Variants in SMARCC1 observed in about 807,000 individuals in gnomAD.
The protein encoded by SMARCC1 is SWI/SNF related BAF chromatin remodeling complex subunit C1.
A neutral mutation model predicts 147.4 loss-of-function variants in SMARCC1; 43 were observed. The observed-to-expected ratio is 0.29, with a 90% CI of 0.23 to 0.38. SMARCC1 has a LOEUF of 0.38. Among genes scored for constraint, SMARCC1 ranks in the 10% least tolerant of loss-of-function variants. The pLI is 1.00. For synonymous variants in SMARCC1, 495 were observed against 484.4 expected (o/e 1.02, Z -0.29); for missense variants, 1,119 against 1,381.1 (o/e 0.81, Z 3.01).
At chr3:47,750,360 G>A (rs560596663) in intron 2 of SMARCC1, among the ~76,000 whole-genome samples, 7 of 152,224 alleles carry the variant, frequency 4.6e-5, no homozygotes, top group East Asian at 1.9e-4. Context: ...ACTTGAACCC[G>A]AGAGGCAGAG....
At chr3:47,588,397 C>G in intron 27 of SMARCC1, 91 bp from the exon 28 acceptor site, 1 of 1,248,964 alleles carries the variant, frequency 8.0e-7, no homozygotes, top group Non-Finnish European at 1.1e-6. Flanking sequence ...CACAGAAGTC[C>G]TTTCCTTAGT....
chr3:47,655,362 G>A (rs1193090959), intron 21 of SMARCC1, among the ~76,000 whole-genome samples: 1 of 151,438 alleles, frequency 6.6e-6, no homozygotes, highest in Non-Finnish European at 1.5e-5. Context: ...TCACGCCACC[G>A]TACTCCAGCC....
rs1306256854 is a variant in SMARCC1, at chr3:47,725,131, T to C, written c.646+3894A>G. ...GTAAAAATGATTAAGATAAATGTTA[T>C]GTGTTTTTTACCACAATAAAAAAGG... On this transcript the variant is annotated intron_variant, in intron 6 of 27. Coordinates refer to ENST00000254480, the MANE Select transcript of SMARCC1 (RefSeq NM_003074.4). Among the ~76,000 whole-genome samples, 4 of 151,388 alleles carry C rather than the reference T, an allele frequency of 2.6e-5. No individual in the cohort carries two copies. In the East Asian group the frequency reaches 5.8e-4, roughly 22 times the overall value.
At chr3:47,768,945 C>A (rs1016269372) in intron 2 of SMARCC1, among the ~76,000 whole-genome samples, 2 of 152,096 alleles carry the variant, frequency 1.3e-5, no homozygotes, top group African/African-American at 4.8e-5. Flanking sequence ...AGCGGTGGCT[C>A]ACATCTGTAA....
chr3:47,749,219 A>G (rs755033553), intron 2 of SMARCC1, among the ~76,000 whole-genome samples: 2 of 152,172 alleles, frequency 1.3e-5, no homozygotes, highest in Admixed American at 6.6e-5. Flanking sequence ...TGGGAGGATC[A>G]CTTGAACCTG....
chr3:47,669,441 T>A (rs1379729864), intron 19 of SMARCC1, among the ~76,000 whole-genome samples: 1 of 152,170 alleles, frequency 6.6e-6, no homozygotes, highest in Non-Finnish European at 1.5e-5. Flanking sequence ...CACCCACAAG[T>A]ACTGAAAACA....
At chr3:47,759,429 T>G (rs968532059) in intron 2 of SMARCC1, among the ~76,000 whole-genome samples, 2 of 150,450 alleles carry the variant, frequency 1.3e-5, no homozygotes, top group Non-Finnish European at 3.0e-5. Context: ...AAGACCAGCC[T>G]GGCCAACATG....
At chr3:47,632,293 A>T (rs1190392301) in intron 24 of SMARCC1, among the ~76,000 whole-genome samples, 1 of 152,098 alleles carries the variant, frequency 6.6e-6, no homozygotes, top group Non-Finnish European at 1.5e-5. Flanking sequence ...AGGATTTGTG[A>T]AACTTAAAAA....
chr3:47,679,239 T>G (rs1435513859), intron 15 of SMARCC1, among the ~76,000 whole-genome samples: 2 of 151,400 alleles, frequency 1.3e-5, no homozygotes, highest in Non-Finnish European at 2.9e-5. Context: ...AGTAACAGAT[T>G]AATACCCTGA....
intron 11 of SMARCC1, 103 bp from the exon 12 acceptor site, chr3:47,693,403 C>A: frequency 1.5e-6 from 1 of 678,942 alleles, no homozygotes; most frequent in South Asian, 1.7e-5. Flanking sequence ...CATCTCACTA[C>A]AACTGCAACA....
At chr3:47,701,552 T>C (rs896958688) in intron 10 of SMARCC1, 150 bp from the exon 11 acceptor site, 1 of 722,340 alleles carries the variant, frequency 1.4e-6, no homozygotes, top group Non-Finnish European at 2.3e-6. Flanking sequence ...CGGTGGTTCA[T>C]GCCTGTAATC....
intron 2 of SMARCC1, among the ~76,000 whole-genome samples, chr3:47,765,774 C>T (rs1041190388): frequency 1.3e-5 from 2 of 151,804 alleles, no homozygotes; most frequent in Non-Finnish European, 2.9e-5. Context: ...ACTCTGTCGC[C>T]CAGGCTGGAG....
At chr3:47,714,765 G>T (rs2034135024) in intron 7 of SMARCC1, among the ~76,000 whole-genome samples, 1 of 152,080 alleles carries the variant, frequency 6.6e-6, no homozygotes, top group South Asian at 2.1e-4. Flanking sequence ...CTGCACTTCA[G>T]TCTAGGCAAC....
chr3:47,635,025 A>C (rs1187611309), intron 24 of SMARCC1, among the ~76,000 whole-genome samples, 165 bp downstream of exon 24: 3 of 152,220 alleles, frequency 2.0e-5, no homozygotes, highest in Non-Finnish European at 1.5e-5. Flanking sequence ...TACTATTTCT[A>C]TAACCCTCCT....
chr3:47,688,290 T>G (rs1456613761), intron 13 of SMARCC1, among the ~76,000 whole-genome samples: 2 of 130,672 alleles, frequency 1.5e-5, no homozygotes, highest in East Asian at 4.6e-4. Context: ...AGTGGCTCTT[T>G]GACTAAATAA....
chr3:47,688,802 G>A (rs1576412078), intron 13 of SMARCC1, among the ~76,000 whole-genome samples: 1 of 152,146 alleles, frequency 6.6e-6, no homozygotes, highest in Non-Finnish European at 1.5e-5. Flanking sequence ...ACTGTGGTCG[G>A]CACTGAATAT....
chr3:47,613,863 C>T (rs1459381341), intron 25 of SMARCC1, among the ~76,000 whole-genome samples: 2 of 151,912 alleles, frequency 1.3e-5, no homozygotes, highest in East Asian at 1.9e-4. Context: ...CGTATCCAAG[C>T]GAAATCTAAC....
At chr3:47,669,603 G>C (rs1049079697) in intron 19 of SMARCC1, among the ~76,000 whole-genome samples, 8 of 152,098 alleles carry the variant, frequency 5.3e-5, no homozygotes, top group African/African-American at 1.9e-4. Flanking sequence ...CACTGATACT[G>C]AATGGGCATA....
chr3:47,597,347 T>A (rs1012728134), intron 26 of SMARCC1, among the ~76,000 whole-genome samples: 2 of 152,086 alleles, frequency 1.3e-5, no homozygotes, highest in Admixed American at 6.6e-5. Context: ...TTATTTTTTA[T>A]TTTTTAATTT....
Sources: gnomAD v4.1 joint callset for allele counts (sites outside exome capture counted in the v4.1 genomes callset) on GRCh38, gnomAD v4.1.1 for gene constraint, MANE v1.5 for transcripts, NCBI Gene and HGNC (gene_info 2026-07-23, HGNC 2026-07-21) for gene names.